Variants in GABRB2 observed in about 807,000 individuals in gnomAD.
The protein encoded by GABRB2 is gamma-aminobutyric acid type A receptor subunit beta2.
In GABRB2, 16 loss-of-function variants were observed where a neutral mutation model predicts 54.7. The ratio of observed to expected loss-of-function variants is 0.29; its 90% CI spans 0.20 to 0.44. GABRB2 has a LOEUF of 0.44. Among genes scored for constraint, GABRB2 ranks in the 20% least tolerant of loss-of-function variants. The pLI is 1.00. For missense variants in GABRB2, 355 were observed against 644.0 expected, an observed-to-expected ratio of 0.55 and a Z score of 4.86; for synonymous variants, 244 against 233.8, an observed-to-expected ratio of 1.04 and a Z score of -0.40.
chr5:161,331,527 A>C (rs1753839743), intron 7 of GABRB2, among the ~76,000 whole-genome samples: 1 of 152,104 alleles, frequency 6.6e-6, no homozygotes, highest in Admixed American at 6.5e-5. Flanking sequence ...AATGAGTGAA[A>C]GTCACCCAGG....
intron 4 of GABRB2, among the ~76,000 whole-genome samples, chr5:161,448,631 G>GT (rs1170016210): frequency 1.3e-5 from 2 of 152,124 alleles, no homozygotes; most frequent in East Asian, 3.9e-4. Flanking sequence ...CTAATCTGGA[G>GT]TTTTTTTGAA....
intron 5 of GABRB2, among the ~76,000 whole-genome samples, chr5:161,346,379 T>C (rs746035153): frequency 7.9e-5 from 12 of 152,102 alleles, no homozygotes; most frequent in Non-Finnish European, 1.2e-4. Context: ...GAAGAGTTTG[T>C]TAACTCAAAA....
intron 5 of GABRB2, among the ~76,000 whole-genome samples, chr5:161,358,964 T>A (rs541506997): frequency 4.1e-4 from 63 of 152,172 alleles, no homozygotes; most frequent in Non-Finnish European, 7.1e-4. Context: ...TTAAGTGGGC[T>A]TTTTCTTCAC....
intron 3 of GABRB2, among the ~76,000 whole-genome samples, chr5:161,468,461 T>C (rs1758340503): frequency 6.6e-6 from 1 of 152,008 alleles, no homozygotes; most frequent in African/African-American, 2.4e-5. Context: ...CCAAGCATGG[T>C]TGGTTCCTTC....
intron 3 of GABRB2, among the ~76,000 whole-genome samples, chr5:161,486,639 C>T (rs574472056): frequency 2.1e-4 from 32 of 151,950 alleles, no homozygotes; most frequent in African/African-American, 7.0e-4. Flanking sequence ...TGAGCCATGT[C>T]ATGCATAAAT....
rs571732612 is a variant in GABRB2 at position 161,441,997 on chromosome 5, G to A, written c.458+17627C>T. On this transcript the variant is annotated intron_variant, in intron 4 of 9. Transcript: ENST00000393959. ...ACTGGGGTGGGAGGAGGGAGATGGG[G>A]ACGGTTATTGCGTACAAAAATAGAA... Among the ~76,000 whole-genome samples the A allele has an allele frequency of 2.6e-5, 4 of 152,220 alleles. No individual in the cohort carries two copies. In the South Asian group the frequency reaches 8.3e-4, roughly 32 times the overall value.
intron 5 of GABRB2, among the ~76,000 whole-genome samples, chr5:161,383,276 C>A: frequency 6.6e-6 from 1 of 152,068 alleles, no homozygotes; most frequent in Non-Finnish European, 1.5e-5. Flanking sequence ...CTTCGCTCTC[C>A]AGGCCTGGGA....
chr5:161,533,335 G>A (rs796265587), intron 3 of GABRB2, among the ~76,000 whole-genome samples: 1 of 151,976 alleles, frequency 6.6e-6, no homozygotes. Context: ...TCCTTCATTT[G>A]TATCTTTTAA....
chr5:161,536,113 C>A (rs1760626577), intron 3 of GABRB2, among the ~76,000 whole-genome samples: 1 of 152,214 alleles, frequency 6.6e-6, no homozygotes, highest in East Asian at 1.9e-4. Context: ...AAATAAACTT[C>A]TTTTCTTTAT....
chr5:161,534,417 A>G (rs976763473), intron 3 of GABRB2, among the ~76,000 whole-genome samples: 1 of 152,210 alleles, frequency 6.6e-6, no homozygotes, highest in African/African-American at 2.4e-5. Flanking sequence ...CTTCCCAAGA[A>G]AAATACTTTC....
intron 3 of GABRB2, among the ~76,000 whole-genome samples, chr5:161,516,706 T>C (rs1759961908): frequency 6.6e-6 from 1 of 152,236 alleles, no homozygotes. Flanking sequence ...AGTTTCACTG[T>C]CTGGCACATT....
At chr5:161,424,213 A>ACCT (rs2113154246) in intron 4 of GABRB2, among the ~76,000 whole-genome samples, 1 of 152,304 alleles carries the variant, frequency 6.6e-6, no homozygotes, top group South Asian at 2.1e-4. Flanking sequence ...AGCTAAGGTA[A>ACCT]TCAATGAAGG....
chr5:161,352,339 G>A (rs1175374706), intron 5 of GABRB2, among the ~76,000 whole-genome samples: 1 of 151,596 alleles, frequency 6.6e-6, no homozygotes, highest in Admixed American at 6.6e-5. Context: ...AGAAAATTTG[G>A]TATATATACC....
At chr5:161,414,312 CT>C (rs1389734754) in intron 4 of GABRB2, among the ~76,000 whole-genome samples, 5 of 152,114 alleles carry the variant, frequency 3.3e-5, no homozygotes, top group Non-Finnish European at 5.9e-5. Flanking sequence ...CCTTACTTTG[CT>C]GTGATATAAC....
intron 4 of GABRB2, among the ~76,000 whole-genome samples, chr5:161,422,763 T>C (rs933213235): frequency 6.6e-6 from 1 of 152,152 alleles, no homozygotes; most frequent in Non-Finnish European, 1.5e-5. Flanking sequence ...AGATATGGAA[T>C]ATGCATGGGA....
At chr5:161,424,989 T>C (rs1408480063) in intron 4 of GABRB2, among the ~76,000 whole-genome samples, 1 of 152,102 alleles carries the variant, frequency 6.6e-6, no homozygotes, top group Admixed American at 6.6e-5. Context: ...ACAGATATAG[T>C]AGAAATAGTA....
chr5:161,355,421 T>C (rs1754590782), intron 5 of GABRB2, among the ~76,000 whole-genome samples: 1 of 150,616 alleles, frequency 6.6e-6, no homozygotes, highest in Non-Finnish European at 1.5e-5. Flanking sequence ...ATAACATATA[T>C]ACATGCATAT....
At chr5:161,397,839 T>C (rs1187812966) in intron 5 of GABRB2, among the ~76,000 whole-genome samples, 2 of 152,210 alleles carry the variant, frequency 1.3e-5, no homozygotes, top group Admixed American at 6.5e-5. Flanking sequence ...CACCTGAGGA[T>C]AGACTGTCTG....
chr5:161,326,887 A>T, intron 8 of GABRB2: 1 of 654,594 alleles, frequency 1.5e-6, no homozygotes, highest in Non-Finnish European at 1.9e-6. Context: ...AAAAGGCAAG[A>T]ATAACTTGAT....
Sources: gnomAD v4.1 joint callset for allele counts (sites outside exome capture counted in the v4.1 genomes callset) on GRCh38, gnomAD v4.1.1 for gene constraint, MANE v1.5 for transcripts, NCBI Gene and HGNC (gene_info 2026-07-23, HGNC 2026-07-21) for gene names.